The following TENM2 variants were observed in gnomAD, a reference collection of about 807,000 sequenced individuals.
TENM2 encodes teneurin transmembrane protein 2.
TENM2 carries 52 observed loss-of-function variants against 245.2 expected under a neutral mutation model. That is an observed-to-expected ratio of 0.21 (90% CI 0.17 to 0.27). The LOEUF is 0.27. Among genes scored for constraint, TENM2 ranks in the 10% least tolerant of loss-of-function variants. TENM2 has a pLI of 1.00. For synonymous variants in TENM2, 1,363 were observed against 1,438.9 expected, an observed-to-expected ratio of 0.95 and a Z score of 1.19; for missense variants, 3,046 against 3,666.8, an observed-to-expected ratio of 0.83 and a Z score of 4.37.
At chr5:167,424,179 T>C (rs1339300821) in intron 2 of TENM2, among the ~76,000 whole-genome samples, 1 of 152,134 alleles carries the variant, frequency 6.6e-6, no homozygotes, top group African/African-American at 2.4e-5. Context: ...CCACCTGACG[T>C]CCTTCAAGGA....
the TENM2 span, among the ~76,000 whole-genome samples, chr5:167,227,077 G>GAGTCTGTATTTTTCTTTAGAGGTAC: frequency 1.4e-4 from 21 of 151,500 alleles, no homozygotes; most frequent in African/African-American, 4.9e-4. Flanking sequence ...TCTTTACTGT[G>GAGTCTGTATTTTTCTTTAGAGGTAC]AGTGCATTTC....
At chr5:167,761,822 T>C (rs1762691291) in intron 2 of TENM2, among the ~76,000 whole-genome samples, 1 of 152,158 alleles carries the variant, frequency 6.6e-6, no homozygotes, top group African/African-American at 2.4e-5. Context: ...CCATTCCTCC[T>C]TCCATAGACA....
At chr5:167,697,834 CA>C (rs2150426552) in intron 2 of TENM2, among the ~76,000 whole-genome samples, 1 of 152,200 alleles carries the variant, frequency 6.6e-6, no homozygotes, top group African/African-American at 2.4e-5. Flanking sequence ...CAAGAGTTAT[CA>C]ATTTTAAGTC....
intron 2 of TENM2, among the ~76,000 whole-genome samples, chr5:167,848,572 C>G (rs1053021506): frequency 4.6e-5 from 7 of 152,144 alleles, no homozygotes; most frequent in African/African-American, 1.7e-4. Flanking sequence ...GCATTAGAAC[C>G]AAGGAATAGA....
chr5:167,430,939 T>G (rs1182615792), intron 2 of TENM2, among the ~76,000 whole-genome samples: 1 of 152,176 alleles, frequency 6.6e-6, no homozygotes, highest in Non-Finnish European at 1.5e-5. Flanking sequence ...TTCCAATGTT[T>G]CTATGCAAGC....
chr5:167,031,311 A>G, the TENM2 span, among the ~76,000 whole-genome samples: 18 of 152,218 alleles, frequency 1.2e-4, no homozygotes, highest in Middle Eastern at 3.2e-3. Flanking sequence ...AAAGCTACAG[A>G]GAATTTTAAT....
chr5:167,599,612 A>G (rs1776468811), intron 2 of TENM2, among the ~76,000 whole-genome samples: 3 of 152,160 alleles, frequency 2.0e-5, no homozygotes, highest in African/African-American at 4.8e-5. Context: ...AGCCCTTACC[A>G]TGTTGCTCAT....
At chr5:168,118,430 G>A (rs748766162) in exon 10 of TENM2, 1 of 1,609,608 alleles carries the variant, frequency 6.2e-7, no homozygotes, top group South Asian at 1.1e-5. Flanking sequence ...CACGGCTCCT[G>A]CATTGATGGG....
At chr5:167,707,184 A>C (rs1168105323) in intron 2 of TENM2, among the ~76,000 whole-genome samples, 1 of 152,060 alleles carries the variant, frequency 6.6e-6, no homozygotes, top group Non-Finnish European at 1.5e-5. Flanking sequence ...ACCTTGTCAT[A>C]TACCAGTTTT....
chr5:168,041,726 C>T (rs538736160), intron 5 of TENM2, among the ~76,000 whole-genome samples: 1 of 152,322 alleles, frequency 6.6e-6, no homozygotes, highest in South Asian at 2.1e-4. Context: ...AACTGCTTTA[C>T]TCCTGGTGCC....
chr5:167,064,588 C>A, the TENM2 span, among the ~76,000 whole-genome samples: 1 of 152,118 alleles, frequency 6.6e-6, no homozygotes, highest in African/African-American at 2.4e-5. Flanking sequence ...AAGTCGTTGC[C>A]TTCTAAGTGT....
chr5:167,405,541 A>C (rs191383099), intron 2 of TENM2, among the ~76,000 whole-genome samples: 1 of 152,030 alleles, frequency 6.6e-6, no homozygotes, highest in African/African-American at 2.4e-5. Flanking sequence ...TTGTTTATAA[A>C]GGTAATCTGG....
At chr5:168,004,987 G>A (rs1274281270) in intron 5 of TENM2, among the ~76,000 whole-genome samples, 1 of 152,138 alleles carries the variant, frequency 6.6e-6, no homozygotes, top group Non-Finnish European at 1.5e-5. Context: ...TTGGGTGGAA[G>A]GTTGTTGGGT....
chr5:168,262,760 A>G, exon 29 of TENM2: 1 of 1,610,346 alleles, frequency 6.2e-7, no homozygotes, highest in Non-Finnish European at 8.5e-7. Context: ...GCTTGCAGAC[A>G]GTAGCAGCAA....
intron 3 of TENM2, chr5:167,934,864 C>A: frequency 1.0e-6 from 1 of 985,546 alleles, no homozygotes; most frequent in Admixed American, 6.1e-5. Flanking sequence ...GGAGGCTTAG[C>A]TTAGTACGCG....
At chr5:167,326,609 G>A (rs1757094023) in intron 1 of TENM2, among the ~76,000 whole-genome samples, 1 of 151,512 alleles carries the variant, frequency 6.6e-6, no homozygotes, top group East Asian at 1.9e-4. Flanking sequence ...GGAGACGGAG[G>A]TTGCAGTGAG....
Position 167,593,557 on chromosome 5 carries a change from C to T in TENM2, c.502+218084C>T, listed in dbSNP as rs1049135172. On this transcript the variant is annotated intron_variant, in intron 2 of 28. Coordinates refer to ENST00000518659, the Ensembl canonical transcript of TENM2. ...TTTAGCCACCAGCTTAGCCCAAGAC[C>T]GCAGAATCTGTGTCCATTGCTCTAG... 3.9e-5 allele frequency among the ~76,000 whole-genome samples: 6 copies of T among 152,210 alleles called. No homozygotes were observed. In the East Asian group the frequency reaches 5.8e-4, roughly 15 times the overall value.
chr5:167,052,846 A>G, the TENM2 span, among the ~76,000 whole-genome samples: 1 of 151,598 alleles, frequency 6.6e-6, no homozygotes. Context: ...TTCTTCTCGT[A>G]TCCAATCAAA....
At chr5:167,868,129 G>A (rs1772487648) in intron 2 of TENM2, among the ~76,000 whole-genome samples, 1 of 152,082 alleles carries the variant, frequency 6.6e-6, no homozygotes. Context: ...ATCGATATTT[G>A]GGGCTGAATA....
Sources: gnomAD v4.1 joint callset for allele counts (sites outside exome capture counted in the v4.1 genomes callset) on GRCh38, gnomAD v4.1.1 for gene constraint, MANE v1.5 for transcripts, NCBI Gene and HGNC (gene_info 2026-07-23, HGNC 2026-07-21) for gene names.